MRS2: variants seen among roughly 807,000 people sequenced by gnomAD.
MRS2 encodes magnesium transporter MRS2 homolog, mitochondrial.
In MRS2, 40 loss-of-function variants were observed where a neutral mutation model predicts 52.6. The observed-to-expected ratio is 0.76, with a 90% CI of 0.59 to 0.99. The LOEUF (loss-of-function observed/expected upper bound fraction) is 0.99, where lower values mean the gene tolerates loss of function less well. MRS2 is among the 50% of genes least tolerant of loss of function. MRS2 has a pLI of 0.00. For missense variants in MRS2, 472 were observed against 532.7 expected (o/e 0.89, Z 1.12); for synonymous variants, 193 against 195.9 (o/e 0.98, Z 0.13).
In MRS2 at chr6:24,409,559, A is replaced by G. The variant is rs765904603; in HGVS notation, c.400A>G (p.Ile134Val). The stretch of plus-strand genomic sequence containing the variant: ...TATCACAGTCAGAAACAATAGGATT[A>G]TCATGAGAATGGAGGTAAAATATTT... ...MSITVRNNRI[I>V]MRMEYLKAVI... Residue 134 changes from isoleucine to valine, a missense_variant, in exon 4 of 11, where the codon ATC becomes GTC. Physicochemically the swap from Ile to Val is conservative, Grantham distance 29. Coordinates refer to ENST00000378386, the MANE Select transcript of MRS2 (RefSeq NM_020662.4). 1 of 1,580,322 alleles carries G rather than the reference A, an allele frequency of 6.3e-7. No homozygotes were observed. The highest frequency in any genetic ancestry group is 8.7e-7 in the Non-Finnish European group (1 of 1,154,864).
At position 24,406,077 on chromosome 6, in the gene MRS2, C is replaced by A. The variant is rs1036124211; in HGVS notation, c.264+836C>A. Among the ~76,000 whole-genome samples the A allele has an allele frequency of 1.3e-4, 19 of 146,966 alleles. 1 individual carries two copies. The highest frequency in any genetic ancestry group is 4.5e-4 in the African/African-American group (18 of 39,634). ...CCTGGATCATGCCACTGCACTCCAG[C>A]CTGGCAGACAGAGTGAGACTCCATC... On this transcript the variant is annotated intron_variant, in intron 2 of 10. Coordinates refer to ENST00000378386, the MANE Select transcript of MRS2 (RefSeq NM_020662.4).
intron 2 of MRS2, among the ~76,000 whole-genome samples, chr6:24,407,274 T>C (rs888204675): frequency 6.6e-5 from 10 of 152,236 alleles, no homozygotes; most frequent in African/African-American, 2.2e-4. Context: ...TACACAAATA[T>C]AAAGCTTTCT....
intron 3 of MRS2, 120 bp from the exon 4 acceptor site, chr6:24,409,341 G>A (rs1000981613): frequency 9.2e-6 from 5 of 545,852 alleles, no homozygotes; most frequent in Non-Finnish European, 1.6e-5. Context: ...CTTAATTTTA[G>A]TTTTTGTTTC....
At position 24,405,390 on chromosome 6, in the gene MRS2, T is replaced by A. The variant is rs1761433937; in HGVS notation, c.264+149T>A. 1.2e-5 allele frequency: 7 copies of A among 604,396 alleles called. No homozygotes were observed. In the East Asian group the frequency reaches 2.0e-4, roughly 18 times the overall value. The allele number at this position is 604,396 out of a possible 1,614,324, so 37.4% of individuals were successfully genotyped here. ...TGGCTGTTGTGCCTGGCCAGTGACCTAAGTGCCTGCTAGATTTGCTTAACA... is the reference window on the plus strand; with the variant it reads ...TGGCTGTTGTGCCTGGCCAGTGACCAAAGTGCCTGCTAGATTTGCTTAACA... On this transcript the variant is annotated intron_variant, in intron 2 of 10. Coordinates refer to ENST00000378386, the MANE Select transcript of MRS2 (RefSeq NM_020662.4).
intron 9 of MRS2, among the ~76,000 whole-genome samples, chr6:24,420,162 TCA>T (rs1491453665): frequency 2.0e-5 from 3 of 152,336 alleles, no homozygotes; most frequent in Middle Eastern, 3.4e-3. Flanking sequence ...ACTACCTCTC[TCA>T]GTGTCCTTCC....
chr6:24,421,245 A>G (rs1561815348), intron 9 of MRS2, among the ~76,000 whole-genome samples: 1 of 152,222 alleles, frequency 6.6e-6, no homozygotes, highest in East Asian at 1.9e-4. Context: ...TTCCTTTCTT[A>G]TAGTTTTAGT....
In MRS2 at chr6:24,415,020, T is replaced by C. The variant is rs770119404; in HGVS notation, c.589-13T>C. On this transcript the variant is annotated splice_polypyrimidine_tract_variant and intron_variant, in intron 5 of 10. Coordinates refer to ENST00000378386, the MANE Select transcript of MRS2 (RefSeq NM_020662.4). The stretch of plus-strand genomic sequence containing the variant: ...TTGTTTTAATTCTTATGAAAGGTCA[T>C]GTTGTTATCTAGATCAACACCCTTC... 10 of 1,578,052 alleles carry C rather than the reference T, an allele frequency of 6.3e-6. No homozygotes were observed. The highest frequency in any genetic ancestry group is 8.7e-6 in the Non-Finnish European group (10 of 1,155,306).
In MRS2 at chr6:24,424,506, C is replaced by T. The variant is rs1317556055; in HGVS notation, c.*812C>T. The T allele has an allele frequency of 2.0e-5, 3 of 152,124 alleles. No homozygotes were observed. Among genetic ancestry groups the T allele is most frequent in the East Asian group, 1.9e-4 (1 of 5,194 alleles). 9.4% of individuals were successfully genotyped at this position (152,124 alleles called of 1,614,324 possible). On this transcript the variant is annotated 3_prime_UTR_variant, in exon 11 of 11. Coordinates refer to ENST00000378386, the MANE Select transcript of MRS2 (RefSeq NM_020662.4). ...AATCTATATGCCTACACCTCAGAAG[C>T]TGACAGATGAGCTTCCTAAAACATG...
rs771469448 is a variant in MRS2, at chr6:24,403,220, C to T, written c.174C>T (p.Asp58=). Residue 58 remains aspartate, a synonymous_variant, in exon 1 of 11, where the codon GAC becomes GAT. Transcript: ENST00000378386. The stretch of plus-strand genomic sequence containing the variant: ...GAGCGGCGCAGCTTTGCGGGCCCGA[C>T]CGGCTCCGCGTGGCAGGTACTGCCC... ...RSRAAQLCGP[D]RLRVAGEVHR... 13 of 1,597,984 alleles carry T rather than the reference C, an allele frequency of 8.1e-6. No individual in the cohort carries two copies. Among genetic ancestry groups the T allele is most frequent in the Non-Finnish European group, 9.3e-6 (11 of 1,178,408 alleles).
At chr6:24,411,283 G>A (rs1194975087) in intron 4 of MRS2, among the ~76,000 whole-genome samples, 1 of 151,872 alleles carries the variant, frequency 6.6e-6, no homozygotes, top group Non-Finnish European at 1.5e-5. Context: ...TGATAAAGTG[G>A]CTACCTTTAT....
intron 7 of MRS2, among the ~76,000 whole-genome samples, chr6:24,417,063 G>A (rs1466176652): frequency 6.6e-6 from 1 of 152,150 alleles, no homozygotes; most frequent in Non-Finnish European, 1.5e-5. Context: ...ATACACCTTT[G>A]TAATGAGTTT....
chr6:24,410,362 ACTTT>A (rs1761610463), intron 4 of MRS2, among the ~76,000 whole-genome samples: 1 of 152,136 alleles, frequency 6.6e-6, no homozygotes, highest in Non-Finnish European at 1.5e-5. Context: ...TAATAATTTG[ACTTT>A]CTTTAGTGAT....
intron 5 of MRS2, among the ~76,000 whole-genome samples, chr6:24,414,517 C>T (rs1328648421): frequency 6.6e-6 from 1 of 152,076 alleles, no homozygotes; most frequent in Non-Finnish European, 1.5e-5. Flanking sequence ...TTTCTTAGTA[C>T]AGAACAAAAT....
chr6:24,419,398 G>T (rs1761969190), intron 9 of MRS2, among the ~76,000 whole-genome samples: 1 of 152,132 alleles, frequency 6.6e-6, no homozygotes, highest in Admixed American at 6.5e-5. Context: ...AATTACAGAT[G>T]GGAAAGGTGT....
Position 24,423,591 on chromosome 6 carries a change from C to G in MRS2, c.1229C>G (p.Ser410Cys). Reference sequence around the variant, plus strand: ...TACTTCTGCTTTATTTAGATGGCTTCTTTACCTAAAAAGACTCTTCTGGCA... The same window carrying G: ...TACTTCTGCTTTATTTAGATGGCTTGTTTACCTAAAAAGACTCTTCTGGCA... ...LEAPLPPMMA[S>C]LPKKTLLADR... The change falls in exon 11 of 11, where the codon TCT becomes TGT. Residue 410 changes from serine to cysteine, a missense_variant. By Grantham distance (112) the Ser-to-Cys change is moderately radical. Coordinates refer to ENST00000378386, the MANE Select transcript of MRS2 (RefSeq NM_020662.4). The G allele has an allele frequency of 1.3e-6, 2 of 1,589,548 alleles. No homozygotes were observed. Among genetic ancestry groups the G allele is most frequent in the Non-Finnish European group, 1.7e-6 (2 of 1,160,390 alleles).
chr6:24,410,811 A>G, intron 4 of MRS2: 1 of 1,302,484 alleles, frequency 7.7e-7, no homozygotes, highest in Non-Finnish European at 1.1e-6. Context: ...TATGTGAAAA[A>G]GCAAATTCAG....
At chr6:24,403,608 A>G (rs1457389677) in intron 1 of MRS2, among the ~76,000 whole-genome samples, 1 of 152,222 alleles carries the variant, frequency 6.6e-6, no homozygotes, top group Non-Finnish European at 1.5e-5. Flanking sequence ...TTTTTGAGAC[A>G]GGGTCTTACT....
intron 2 of MRS2, among the ~76,000 whole-genome samples, chr6:24,405,718 T>C (rs1260457319): frequency 6.6e-6 from 1 of 150,524 alleles, no homozygotes; most frequent in Non-Finnish European, 1.5e-5. Context: ...CAAAGGTGAC[T>C]CTAGGTGAAA....
Position 24,423,038 on chromosome 6 carries a change from A to T in MRS2, c.1209A>T (p.Pro403=). 6.2e-7 allele frequency: 1 copy of T among 1,613,448 alleles called. No homozygotes were observed. The highest frequency in any genetic ancestry group is 8.5e-7 in the Non-Finnish European group (1 of 1,179,382). The change falls in exon 10 of 11, where the codon CCA becomes CCT. Residue 403 remains proline (P), a synonymous_variant. Transcript: ENST00000378386. ...LSFLGRQLEA[P]LPPMMASLPK... ...TCCTTGGACGACAGCTAGAAGCTCC[A>T]TTGCCTCCTATGGTATGAAGGATAT...
Sources: gnomAD v4.1 joint callset for allele counts (sites outside exome capture counted in the v4.1 genomes callset) on GRCh38, gnomAD v4.1.1 for gene constraint, MANE v1.5 for transcripts, NCBI Gene and HGNC (gene_info 2026-07-23, HGNC 2026-07-21) for gene names.